The following CSMD1 variants were observed in gnomAD, a reference collection of about 807,000 sequenced individuals.
CSMD1 encodes the protein CUB and Sushi multiple domains 1.
A neutral mutation model predicts 417.5 loss-of-function variants in CSMD1; 213 were observed. That is an observed-to-expected ratio of 0.51 (90% confidence interval 0.46 to 0.57). The LOEUF (loss-of-function observed/expected upper bound fraction) is 0.57. Among genes scored for constraint, CSMD1 ranks in the 20% least tolerant of loss-of-function variants. The probability of loss-of-function intolerance (pLI) is 0.00; values close to 1 mark genes in which losing one functional copy is unlikely to be tolerated. For synonymous variants in CSMD1, 2,862 were observed against 1,736.8 expected, an observed-to-expected ratio of 1.65 and a Z score of -16.11; for missense variants, 6,923 against 4,529.7, an observed-to-expected ratio of 1.53 and a Z score of -15.17.
rs57948183 is a variant in CSMD1 at position 3,132,141 on chromosome 8, G to A, written c.6241+10324C>T. ...AAAGCCTGCTCAGTGTGCCTGCTCT[G>A]CGAGGCCACCCAGTGGGTTTTACCC... On this transcript the variant is annotated intron_variant, in intron 41 of 69. Coordinates refer to ENST00000635120, the MANE Select transcript of CSMD1 (RefSeq NM_033225.6). Among the ~76,000 whole-genome samples, 344 of 152,270 alleles carry A rather than the reference G, an allele frequency of 2.3e-3. 7 individuals are homozygous for A. In the East Asian group the frequency reaches 0.047, roughly 21 times the overall value.
rs375052646 is a variant in CSMD1, at chr8:3,796,342, ATATC to A, written c.819-42304_819-42301del. On this transcript the variant is annotated intron_variant, in intron 5 of 69. Transcript: ENST00000635120. ...ATCTATCATGTATAGATATAGATAT[ATATC>A]TATCATGTATAGATATAGATATCTA... Among the ~76,000 whole-genome samples, 15 of 32,034 alleles carry A rather than the reference ATATC, an allele frequency of 4.7e-4. 3 individuals carry two copies. The highest frequency in any genetic ancestry group is 2.2e-3 in the East Asian group (3 of 1,364). The allele number at this position is 32,034 out of a possible 152,430, so 21.0% of individuals were successfully genotyped here.
chr8:4,381,625 C>G (rs1803109064), intron 3 of CSMD1, among the ~76,000 whole-genome samples: 1 of 152,108 alleles, frequency 6.6e-6, no homozygotes, highest in South Asian at 2.1e-4. Context: ...CCCACTGATC[C>G]CTCCACCCCT....
At chr8:4,500,945 C>T (rs1045134975) in intron 2 of CSMD1, among the ~76,000 whole-genome samples, 1 of 151,982 alleles carries the variant, frequency 6.6e-6, no homozygotes, top group African/African-American at 2.4e-5. Context: ...GAACGAGTAC[C>T]CTTGTTTTTG....
At chr8:4,020,714 C>A (rs887317061) in intron 4 of CSMD1, among the ~76,000 whole-genome samples, 1 of 152,202 alleles carries the variant, frequency 6.6e-6, no homozygotes, top group South Asian at 2.1e-4. Context: ...CCGCGTGTTC[C>A]TCAAAGTCTT....
At chr8:3,432,758 C>T (rs1814299203) in intron 12 of CSMD1, among the ~76,000 whole-genome samples, 1 of 152,106 alleles carries the variant, frequency 6.6e-6, no homozygotes, top group East Asian at 1.9e-4. Flanking sequence ...TCGTGATCTT[C>T]CCACCTTGGC....
chr8:3,454,910 C>A (rs1490171008), intron 12 of CSMD1, among the ~76,000 whole-genome samples: 2 of 152,150 alleles, frequency 1.3e-5, no homozygotes, highest in Non-Finnish European at 2.9e-5. Flanking sequence ...AGAGTGTTTT[C>A]CAACTTGGTT....
At chr8:3,157,086 T>A (rs1010977453) in intron 39 of CSMD1, among the ~76,000 whole-genome samples, 7 of 151,922 alleles carry the variant, frequency 4.6e-5, no homozygotes, top group African/African-American at 1.7e-4. Flanking sequence ...CCGATCACTT[T>A]GTGGGTTGCG....
chr8:4,792,930 A>C (rs565772680), intron 1 of CSMD1, among the ~76,000 whole-genome samples: 25 of 152,124 alleles, frequency 1.6e-4, no homozygotes, highest in African/African-American at 5.3e-4. Context: ...TATGATTAAA[A>C]AGGGATGCAA....
chr8:3,559,396 A>T (rs1241921418), intron 10 of CSMD1, among the ~76,000 whole-genome samples: 2 of 152,208 alleles, frequency 1.3e-5, no homozygotes, highest in Non-Finnish European at 2.9e-5. Flanking sequence ...TAGCCAAAAC[A>T]AATAATAAAG....
At chr8:3,591,196 A>C (rs1363222904) in intron 8 of CSMD1, among the ~76,000 whole-genome samples, 1 of 152,242 alleles carries the variant, frequency 6.6e-6, no homozygotes, top group Non-Finnish European at 1.5e-5. Flanking sequence ...AATAAATATC[A>C]CACAGCAAAA....
intron 4 of CSMD1, among the ~76,000 whole-genome samples, chr8:4,028,581 G>A (rs548965085): frequency 1.5e-4 from 23 of 152,096 alleles, no homozygotes; most frequent in Non-Finnish European, 3.1e-4. Flanking sequence ...ATAATATAAT[G>A]TTACATGATG....
intron 2 of CSMD1, among the ~76,000 whole-genome samples, chr8:4,469,807 G>A (rs911160895): frequency 6.6e-6 from 1 of 151,984 alleles, no homozygotes; most frequent in Non-Finnish European, 1.5e-5. Flanking sequence ...GCCTTCTCAC[G>A]GAGGGAACCC....
At chr8:4,666,205 A>C (rs973035769) in intron 1 of CSMD1, among the ~76,000 whole-genome samples, 2 of 152,178 alleles carry the variant, frequency 1.3e-5, no homozygotes, top group African/African-American at 4.8e-5. Flanking sequence ...TACTTCCTGG[A>C]AACTGTGAAT....
intron 3 of CSMD1, among the ~76,000 whole-genome samples, chr8:4,096,236 C>T (rs1176873673): frequency 6.6e-6 from 1 of 152,084 alleles, no homozygotes; most frequent in South Asian, 2.1e-4. Flanking sequence ...TAATAAAAAG[C>T]AACCGACTTT....
intron 7 of CSMD1, among the ~76,000 whole-genome samples, chr8:3,631,184 C>T (rs903950863): frequency 2.0e-5 from 3 of 152,182 alleles, no homozygotes; most frequent in African/African-American, 7.2e-5. Context: ...GACTCCTTCC[C>T]CTTCTCTATC....
intron 3 of CSMD1, among the ~76,000 whole-genome samples, chr8:4,419,336 T>C (rs1797121465): frequency 1.3e-5 from 2 of 152,188 alleles, no homozygotes; most frequent in Admixed American, 6.5e-5. Context: ...AACCTAATAC[T>C]TGAAATGATA....
At chr8:4,169,717 C>A (rs918474199) in intron 3 of CSMD1, among the ~76,000 whole-genome samples, 2 of 152,120 alleles carry the variant, frequency 1.3e-5, no homozygotes, top group Non-Finnish European at 2.9e-5. Flanking sequence ...TTGCTCCCTA[C>A]CCCATTCTCA....
intron 11 of CSMD1, among the ~76,000 whole-genome samples, chr8:3,480,472 A>G (rs998505100): frequency 6.6e-6 from 1 of 152,238 alleles, no homozygotes; most frequent in Non-Finnish European, 1.5e-5. Context: ...ATTTTTTATC[A>G]TTAGAATTCC....
At chr8:4,524,996 T>G (rs1432312507) in intron 2 of CSMD1, among the ~76,000 whole-genome samples, 1 of 152,156 alleles carries the variant, frequency 6.6e-6, no homozygotes, top group East Asian at 1.9e-4. Flanking sequence ...TTACTAGGTT[T>G]GTGCAAAATA....
Sources: allele counts gnomAD v4.1 joint callset (sites outside exome capture counted in the v4.1 genomes callset), GRCh38; gene constraint gnomAD v4.1.1; transcripts MANE v1.5; gene names NCBI Gene and HGNC (gene_info 2026-07-23, HGNC 2026-07-21).